MTOR: variants seen among roughly 807,000 people sequenced by gnomAD.
MTOR encodes mechanistic target of rapamycin kinase.
A neutral mutation model predicts 319.8 loss-of-function variants in MTOR; 70 were observed. The ratio of observed to expected loss-of-function variants is 0.22; its 90% CI spans 0.18 to 0.27. The LOEUF (loss-of-function observed/expected upper bound fraction) is 0.27. Among genes scored for constraint, MTOR ranks in the 10% least tolerant of loss-of-function variants. The pLI is 1.00. For synonymous variants in MTOR, 1,183 were observed against 1,211.4 expected (o/e 0.98, Z 0.49); for missense variants, 1,890 against 3,274.4 (o/e 0.58, Z 10.32).
rs2100873382 is a variant in MTOR at position 11,232,474 on chromosome 1, C to T, written c.2476G>A (p.Asp826Asn). ...AACAAAGAGGAATCCTGGAGCATGTCCATGATGATAATAAAAAGTTCATCA... is the reference window on the plus strand; with the variant it reads ...AACAAAGAGGAATCCTGGAGCATGTTCATGATGATAATAAAAAGTTCATCA... ...WVDELFIIIM[D>N]MLQDSSLLAK... The change falls in exon 16 of 58, where the codon GAC (aspartate) becomes AAC (asparagine). Residue 826 changes from aspartate (D) to asparagine (N), a missense_variant. Physicochemically the swap from Asp to Asn is conservative, Grantham distance 23 (BLOSUM62 1). This residue lies in a region of MTOR where 377 missense variants were observed against 653.9 expected (regional missense o/e 0.58). Transcript: ENST00000361445. 6.2e-7 allele frequency: 1 copy of T among 1,614,006 alleles called. No homozygotes were observed. Among genetic ancestry groups the T allele is most frequent in the Non-Finnish European group, 8.5e-7 (1 of 1,179,922 alleles).
intron 53 of MTOR, 124 bp downstream of exon 53, chr1:11,114,194 T>C: frequency 1.7e-6 from 2 of 1,176,130 alleles, no homozygotes; most frequent in Non-Finnish European, 2.4e-6. Flanking sequence ...GGGGTCTTAC[T>C]ATGTTGCCCA....
Position 11,258,567 on chromosome 1 carries a change from G to A in MTOR, c.189C>T (p.Phe63=), listed in dbSNP as rs1449092143. 2 of 1,613,964 alleles carry A rather than the reference G, an allele frequency of 1.2e-6. No homozygotes were observed. The highest frequency in any genetic ancestry group is 1.7e-6 in the Non-Finnish European group (2 of 1,179,904). ...REMSQEESTR[F]YDQLNHHIFE... ...AAATGTGATGGTTCAGTTGGTCATA[G>A]AAGCGAGTAGACTCCTCTTGACTCA... The change falls in exon 3 of 58, where the codon TTC becomes TTT. Residue 63 remains phenylalanine, a synonymous_variant. Transcript: ENST00000361445.
rs1010051807 is a variant in MTOR at position 11,124,445 on chromosome 1, G to C, written c.6662+53C>G. 1.6e-5 allele frequency: 26 copies of C among 1,581,926 alleles called. No homozygotes were observed. In the African/African-American group the frequency reaches 3.4e-4, roughly 21 times the overall value. ...TACATGACTACACGAGACAAATGTAGGAAAAAACCAGAAGACTTCTCAAAT... is the reference window on the plus strand; with the variant it reads ...TACATGACTACACGAGACAAATGTACGAAAAAACCAGAAGACTTCTCAAAT... On this transcript the variant is annotated intron_variant, in intron 47 of 57. Transcript: ENST00000361445.
rs1177827181 is a variant in MTOR at position 11,248,107 on chromosome 1, G to A, written c.841-13C>T. The A allele has an allele frequency of 1.9e-6, 3 of 1,562,684 alleles. No homozygotes were observed. Among genetic ancestry groups the A allele is most frequent in the Admixed American group, 3.8e-5 (2 of 52,240 alleles). ...CTTCTCTCAGACGCTATATATATGAGGAGGAAAAAAATCATCTTTACTTAT... is the reference window on the plus strand; with the variant it reads ...CTTCTCTCAGACGCTATATATATGAAGAGGAAAAAAATCATCTTTACTTAT... On this transcript the variant is annotated splice_polypyrimidine_tract_variant and intron_variant, in intron 6 of 57. Coordinates refer to ENST00000361445, the MANE Select transcript of MTOR (RefSeq NM_004958.4).
Position 11,124,673 on chromosome 1 carries a change from T to A in MTOR, c.6527-40A>T, listed in dbSNP as rs771963921. 3 of 1,578,072 alleles carry A rather than the reference T, an allele frequency of 1.9e-6. No individual in the cohort carries two copies. In the South Asian group the frequency reaches 3.4e-5, roughly 18 times the overall value. On this transcript the variant is annotated intron_variant, in intron 46 of 57. Transcript: ENST00000361445. ...GGGAGCGGTGAGTGTACATCAGAGGTCCTCAGCTCTTCAGCTGAGAGCACC... is the reference window on the plus strand; with the variant it reads ...GGGAGCGGTGAGTGTACATCAGAGGACCTCAGCTCTTCAGCTGAGAGCACC...
intron 13 of MTOR, 112 bp downstream of exon 13, chr1:11,237,731 G>T: frequency 8.5e-7 from 1 of 1,179,286 alleles, no homozygotes. Flanking sequence ...GCTTTTACCA[G>T]GTACCTCAAT....
At chr1:11,245,063 C>A (rs1215126237) in intron 8 of MTOR, among the ~76,000 whole-genome samples, 1 of 152,164 alleles carries the variant, frequency 6.6e-6, no homozygotes, top group Non-Finnish European at 1.5e-5. Flanking sequence ...GCCTGGAAAT[C>A]ATTTTGCTAT....
At chr1:11,227,413 C>G (rs1406235232) in intron 19 of MTOR, among the ~76,000 whole-genome samples, 1 of 150,926 alleles carries the variant, frequency 6.6e-6, no homozygotes, top group Non-Finnish European at 1.5e-5. Flanking sequence ...AACATAATTT[C>G]TAAAAACATG....
At chr1:11,209,913 G>A (rs1646256537) in intron 24 of MTOR, among the ~76,000 whole-genome samples, 1 of 152,062 alleles carries the variant, frequency 6.6e-6, no homozygotes, top group Admixed American at 6.6e-5. Flanking sequence ...TGTCTCTCAG[G>A]CTGGAGTGCA....
chr1:11,231,044 A>G lies in MTOR; in HGVS notation c.2660T>C (p.Val887Ala). 6.2e-7 allele frequency: 1 copy of G among 1,614,116 alleles called. No homozygotes were observed. Residue 887 changes from valine to alanine, a missense_variant, in exon 18 of 58, where the codon GTG (valine) becomes GCG (alanine). Around this residue, in one of 15 missense-constraint regions of MTOR, gnomAD observed 377 missense variants for 653.9 expected, o/e 0.58. Transcript: ENST00000361445. ...NQGTRREAIR[V>A]LGLLGALDPY... ...ATCCAAAGCCCCTAAAAGCCCTAACACACGGATGGCCTGCGTGGGAAAGGG... is the reference window on the plus strand; with the variant it reads ...ATCCAAAGCCCCTAAAAGCCCTAACGCACGGATGGCCTGCGTGGGAAAGGG...
chr1:11,247,002 C>T (rs566586947), intron 8 of MTOR, among the ~76,000 whole-genome samples: 1 of 152,278 alleles, frequency 6.6e-6, no homozygotes, highest in South Asian at 2.1e-4. Flanking sequence ...TCTGATTTTA[C>T]AAGTCAGGAA....
In MTOR at chr1:11,128,371, G is replaced by A. The variant is rs1642952454; in HGVS notation, c.5910+83C>T. ...GGAACACATGGCTCCCAGTTCCTGC[G>A]CTTGTGTCGCCAGGGCAGCTTTTGG... On this transcript the variant is annotated intron_variant, in intron 42 of 57. Coordinates refer to ENST00000361445, the MANE Select transcript of MTOR (RefSeq NM_004958.4). This position sits in a 1 kb window ranked among gnomAD's most constrained non-coding sequence, Gnocchi z 5.3. 19 of 1,416,810 alleles carry A rather than the reference G, an allele frequency of 1.3e-5. No individual in the cohort carries two copies. The highest frequency in any genetic ancestry group is 7.0e-5 in the Admixed American group (4 of 57,414). 87.8% of individuals were successfully genotyped at this position (1,416,810 alleles called of 1,614,324 possible). A position where few individuals can be genotyped will look rare whatever the true frequency, so the allele number is the denominator to read the frequency against.
In MTOR at chr1:11,129,209, A is replaced by C. The variant is rs1303696636; in HGVS notation, c.5715-258T>G. Among the ~76,000 whole-genome samples, 3 of 152,184 alleles carry C rather than the reference A, an allele frequency of 2.0e-5. No individual in the cohort carries two copies. Among genetic ancestry groups the C allele is most frequent in the Non-Finnish European group, 4.4e-5 (3 of 68,022 alleles). The stretch of plus-strand genomic sequence containing the variant: ...TCACCATGGCATGTATGCAAACATC[A>C]AACAGACGAGCCAGGATAACCTTTA... On this transcript the variant is annotated intron_variant, in intron 40 of 57. Transcript: ENST00000361445. This position sits in a 1 kb window ranked among gnomAD's most constrained non-coding sequence, Gnocchi z 4.7.
chr1:11,254,227 C>A (rs1014509233), intron 5 of MTOR, among the ~76,000 whole-genome samples: 19 of 152,042 alleles, frequency 1.2e-4, no homozygotes, highest in Admixed American at 1.2e-3. Context: ...ACAACCTCCA[C>A]CTCCTGGGTT....
chr1:11,164,470 A>T lies in MTOR; in HGVS notation c.4329+2972T>A, dbSNP rs192116278. On this transcript the variant is annotated intron_variant, in intron 29 of 57. Transcript: ENST00000361445. ...CATCAGAGAATACTATAAACACCTC[A>T]ACACAAATAAACTAGAAAATCTAGA... Among the ~76,000 whole-genome samples the T allele has an allele frequency of 4.3e-3, 647 of 152,204 alleles. 6 individuals carry two copies. The highest frequency in any genetic ancestry group is 0.015 in the African/African-American group (610 of 41,542).
intron 28 of MTOR, chr1:11,195,017 G>C (rs773876253): frequency 1.2e-6 from 2 of 1,613,536 alleles, no homozygotes; most frequent in Non-Finnish European, 1.7e-6. Context: ...AAGACTTCAA[G>C]CCTTAAAAGG....
chr1:11,233,604 G>C (rs1343353612), intron 14 of MTOR, 117 bp from the exon 15 acceptor site: 1 of 754,020 alleles, frequency 1.3e-6, no homozygotes, highest in Admixed American at 2.7e-5. Flanking sequence ...TTCCTTCTAG[G>C]CTTTATGAAT....
intron 18 of MTOR, 64 bp from the exon 19 acceptor site, chr1:11,228,982 T>C (rs2100857929): frequency 3.2e-6 from 5 of 1,584,758 alleles, no homozygotes; most frequent in Admixed American, 3.4e-5. Flanking sequence ...AGGCAGAGCA[T>C]GGTTAGTAAC....
At chr1:11,233,937 G>C (rs1017444657) in intron 14 of MTOR, among the ~76,000 whole-genome samples, 1 of 152,138 alleles carries the variant, frequency 6.6e-6, no homozygotes, top group African/African-American at 2.4e-5. Context: ...CTTACCTCTT[G>C]TAAGGACAGC....
Sources: allele counts gnomAD v4.1 joint callset (sites outside exome capture counted in the v4.1 genomes callset), GRCh38; gene constraint gnomAD v4.1.1; regional missense constraint gnomAD v4.1.1; non-coding constraint Gnocchi (gnomAD v3.1); transcripts MANE v1.5; gene names NCBI Gene and HGNC (gene_info 2026-07-23, HGNC 2026-07-21).